Variants in METTL1 observed in about 807,000 individuals in gnomAD.
The protein encoded by METTL1 is methyltransferase 1, tRNA methylguanosine.
In METTL1, 14 loss-of-function variants were observed where a neutral mutation model predicts 27.7. The ratio of observed to expected loss-of-function variants is 0.51; its 90% confidence interval spans 0.33 to 0.79. The LOEUF is 0.79. Among genes scored for constraint, METTL1 ranks in the 30% least tolerant of loss-of-function variants. The pLI is 0.02. For missense variants in METTL1, 333 were observed against 359.6 expected (o/e 0.93, Z 0.60); for synonymous variants, 138 against 137.0 (o/e 1.01, Z -0.05).
chr12:57,768,701 G>A lies in METTL1; in HGVS notation c.*295C>T, dbSNP rs1445730136. 1 of 356,186 alleles carries A rather than the reference G, an allele frequency of 2.8e-6. No individual in the cohort carries two copies. Among genetic ancestry groups the A allele is most frequent in the Non-Finnish European group, 5.1e-6 (1 of 195,118 alleles). The allele number at this position is 356,186 out of a possible 1,614,324, so 22.1% of individuals were successfully genotyped here. A position where few individuals can be genotyped will look rare whatever the true frequency, so the allele number is the denominator to read the frequency against. ...TCCAGCTGAGGAGAGATCTCACAAG[G>A]AGAAAGGAGTGCTAAGGAAGAGCAA... On this transcript the variant is annotated 3_prime_UTR_variant, in exon 6 of 6. Transcript: ENST00000324871.
chr12:57,770,984 C>T, intron 2 of METTL1, 110 bp downstream of exon 2: 6 of 1,186,740 alleles, frequency 5.1e-6, no homozygotes, highest in Non-Finnish European at 7.1e-6. Context: ...CTGATGTCAC[C>T]AGTGTCTGGA....
rs748946772 is a variant in METTL1, at chr12:57,769,788, A to T, written c.443T>A (p.Phe148Tyr). The change falls in exon 3 of 6, where the codon TTC (phenylalanine) becomes TAC (tyrosine). Residue 148 changes from phenylalanine to tyrosine, a missense_variant. Physicochemically the swap from Phe to Tyr is conservative, Grantham distance 22. Transcript: ENST00000324871. ...RSNAMKHLPNFFYKGQLTKMF... is the reference protein window; with the variant it reads ...RSNAMKHLPNYFYKGQLTKMF... ...CCTCCCCACCTGGCCCTTGTAGAAG[A>T]AGTTAGGAAGGTGCTTCATGGCATT... is the stretch of plus-strand genomic sequence containing the variant. 1.2e-6 allele frequency: 2 copies of T among 1,614,048 alleles called. No homozygotes were observed. The highest frequency in any genetic ancestry group is 1.7e-6 in the Non-Finnish European group (2 of 1,179,992).
rs372769807 is a variant in METTL1 at position 57,769,819 on chromosome 12, G to A, written c.412C>T (p.Arg138Cys). 204 of 1,614,088 alleles carry A rather than the reference G, an allele frequency of 1.3e-4. No individual in the cohort carries two copies. The highest frequency in any genetic ancestry group is 1.7e-4 in the Non-Finnish European group (199 of 1,180,064). ...AGGFQNIACLRSNAMKHLPNF... is the reference protein window; with the variant it reads ...AGGFQNIACLCSNAMKHLPNF... ...GGAAGGTGCTTCATGGCATTGCTAC[G>A]GAGACAGGCGATGTTCTGGAAGCCA... Residue 138 changes from arginine to cysteine, a missense_variant, in exon 3 of 6, where the codon CGT (arginine) becomes TGT (cysteine). By Grantham distance (180) the Arg-to-Cys change is radical. Coordinates refer to ENST00000324871, the MANE Select transcript of METTL1 (RefSeq NM_005371.6).
intron 5 of METTL1, 26 bp downstream of exon 5, chr12:57,769,277 C>T (rs778940217): frequency 6.2e-7 from 1 of 1,613,340 alleles, no homozygotes. Context: ...GAAAGGGCCT[C>T]CACCTCCTCT....
chr12:57,772,100 T>G lies in METTL1; in HGVS notation c.-17A>C. 1 of 1,570,616 alleles carries G rather than the reference T, an allele frequency of 6.4e-7. No individual in the cohort carries two copies. Among genetic ancestry groups the G allele is most frequent in the Non-Finnish European group, 8.6e-7 (1 of 1,164,986 alleles). On this transcript the variant is annotated 5_prime_UTR_variant, in exon 1 of 6. Coordinates refer to ENST00000324871, the MANE Select transcript of METTL1 (RefSeq NM_005371.6). This position sits in a 1 kb window ranked among gnomAD's most constrained non-coding sequence, Gnocchi z 4.1. ...GGCTGCCATGATCCCAGTCCGGGGT[T>G]TCTCTACCAAATCCACGTGGAGGCG...
intron 1 of METTL1, chr12:57,771,512 C>T: frequency 6.5e-7 from 1 of 1,528,902 alleles, no homozygotes; most frequent in Admixed American, 2.0e-5. Context: ...GTTGATGTGA[C>T]CCTGGCCGGG....
intron 2 of METTL1, 68 bp downstream of exon 2, chr12:57,771,026 C>T: frequency 6.4e-7 from 1 of 1,553,132 alleles, no homozygotes; most frequent in Non-Finnish European, 8.7e-7. Flanking sequence ...TGACCCCCCA[C>T]AAAAGTTGCT....
chr12:57,768,878 A>G lies in METTL1; in HGVS notation c.*118T>C, dbSNP rs1955390876. ...TGGGTTCTGCCCTGGGCAGCTCCCC[A>G]CCTTCTTTAAGAGAGTACTGTGTCT... On this transcript the variant is annotated 3_prime_UTR_variant, in exon 6 of 6. Coordinates refer to ENST00000324871, the MANE Select transcript of METTL1 (RefSeq NM_005371.6). 2 of 1,340,300 alleles carry G rather than the reference A, an allele frequency of 1.5e-6. No homozygotes were observed. The highest frequency in any genetic ancestry group is 3.0e-5 in the South Asian group (2 of 65,596). 83.0% of individuals were successfully genotyped at this position (1,340,300 alleles called of 1,614,324 possible).
chr12:57,771,005 A>G, intron 2 of METTL1, 89 bp downstream of exon 2: 1 of 1,431,232 alleles, frequency 7.0e-7, no homozygotes, highest in East Asian at 2.3e-5. Context: ...CGAAAGGGGA[A>G]AGGCCAATTA....
chr12:57,771,966 C>G lies in METTL1; in HGVS notation c.110+8G>C. 1 of 1,511,138 alleles carries G rather than the reference C, an allele frequency of 6.6e-7. No homozygotes were observed. The highest frequency in any genetic ancestry group is 8.8e-7 in the Non-Finnish European group (1 of 1,136,162). 93.6% of individuals were successfully genotyped at this position (1,511,138 alleles called of 1,614,324 possible). On this transcript the variant is annotated splice_region_variant and intron_variant, in intron 1 of 5. Transcript: ENST00000324871. Reference sequence around the variant, plus strand: ...GCCCTCCTCTCTCTCCCTCTGCCCACTCCTCACTAGCGCAGCGTGTGGTCC... The same window carrying G: ...GCCCTCCTCTCTCTCCCTCTGCCCAGTCCTCACTAGCGCAGCGTGTGGTCC...
chr12:57,771,043 G>T, intron 2 of METTL1, 51 bp downstream of exon 2: 1 of 1,575,714 alleles, frequency 6.3e-7, no homozygotes. Flanking sequence ...TGCTGAGGCA[G>T]CAGAAGCTAC....
intron 2 of METTL1, 101 bp from the exon 3 acceptor site, chr12:57,770,057 C>T: frequency 8.2e-7 from 1 of 1,215,660 alleles, no homozygotes; most frequent in Non-Finnish European, 1.1e-6. Flanking sequence ...CTACCAAAGT[C>T]CAGAACGGCA....
At position 57,769,284 on chromosome 12, in the gene METTL1, C is replaced by A. The variant is rs1441987083; in HGVS notation, c.675+19G>T. The A allele has an allele frequency of 6.2e-7, 1 of 1,613,658 alleles. No individual in the cohort carries two copies. Among genetic ancestry groups the A allele is most frequent in the South Asian group, 1.1e-5 (1 of 91,028 alleles). ...CCACTCTGGAAAGGGCCTCCACCTC[C>A]TCTAGGTCCCCTACTCACCAGGTCC... On this transcript the variant is annotated intron_variant, in intron 5 of 5. Transcript: ENST00000324871.
At position 57,771,976 on chromosome 12, in the gene METTL1, G is replaced by A; in HGVS notation, c.108C>T (p.Arg36=). The change falls in exon 1 of 6, where the codon CGC becomes CGT. Residue 36 remains arginine (R), a splice_region_variant and synonymous_variant. Transcript: ENST00000324871. ...CTCTCCCTCTGCCCACTCCTCACTA[G>A]CGCAGCGTGTGGTCCGCCATGGGGT... is the stretch of plus-strand genomic sequence containing the variant. ...HSNPMADHTL[R]YPVKPEEMDW... is the part of the protein sequence containing the mutation. The A allele has an allele frequency of 6.6e-7, 1 of 1,517,966 alleles. No homozygotes were observed. The allele number at this position is 1,517,966 out of a possible 1,614,324, so 94.0% of individuals were successfully genotyped here.
chr12:57,770,293 T>A (rs188787289), intron 2 of METTL1, among the ~76,000 whole-genome samples: 3 of 152,368 alleles, frequency 2.0e-5, no homozygotes, highest in Admixed American at 6.5e-5. Context: ...CCGAAGATCA[T>A]AGAGTTAAGA....
intron 1 of METTL1, 55 bp downstream of exon 1, chr12:57,771,919 T>C: frequency 6.8e-7 from 1 of 1,474,196 alleles, no homozygotes; most frequent in Non-Finnish European, 9.0e-7. Flanking sequence ...ACAACTGCTC[T>C]CCCGGCTGCT....
Position 57,769,328 on chromosome 12 carries a change from A to G in METTL1, c.650T>C (p.Phe217Ser). The change falls in exon 5 of 6, where the codon TTT becomes TCT. Residue 217 changes from phenylalanine to serine, a missense_variant. Coordinates refer to ENST00000324871, the MANE Select transcript of METTL1 (RefSeq NM_005371.6). ...CAGGTCCTCCAGAGGCACACGCTCAAACAGTGGGTGCTCTTCGAAATGAGT... is the reference window on the plus strand; with the variant it reads ...CAGGTCCTCCAGAGGCACACGCTCAGACAGTGGGTGCTCTTCGAAATGAGT... ...MCTHFEEHPL[F>S]ERVPLEDLSE... 1 of 1,614,158 alleles carries G rather than the reference A, an allele frequency of 6.2e-7. No individual in the cohort carries two copies. Among genetic ancestry groups the G allele is most frequent in the East Asian group, 2.2e-5 (1 of 44,882 alleles).
Position 57,769,648 on chromosome 12 carries a change from G to C in METTL1, c.490C>G (p.Pro164Ala), listed in dbSNP as rs1245550552. The C allele has an allele frequency of 3.8e-6, 6 of 1,561,550 alleles. No homozygotes were observed. The highest frequency in any genetic ancestry group is 5.2e-6 in the Non-Finnish European group (6 of 1,150,434). Residue 164 changes from proline to alanine, a missense_variant, in exon 4 of 6, where the codon CCA (proline) becomes GCA (alanine). Physicochemically the swap from Pro to Ala is conservative, Grantham distance 27. Transcript: ENST00000324871. ...TTGTGCTTTGTCCGCTTGAAATGTG[G>C]GTCGGGGAAGAGGAAGAACATCTTT... ...LTKMFFLFPD[P>A]HFKRTKHKWR...
At position 57,768,824 on chromosome 12, in the gene METTL1, G is replaced by A; in HGVS notation, c.*172C>T. The A allele has an allele frequency of 3.0e-6, 2 of 660,446 alleles. No homozygotes were observed. The highest frequency in any genetic ancestry group is 6.1e-5 in the South Asian group (2 of 32,850). The allele number at this position is 660,446 out of a possible 1,614,324, so 40.9% of individuals were successfully genotyped here. A position where few individuals can be genotyped will look rare whatever the true frequency, so the allele number is the denominator to read the frequency against. The stretch of plus-strand genomic sequence containing the variant: ...TGTTGGCAGTGGAGGGACAAGGTGA[G>A]AGGAGCCAGGGGTAGTCATGAACAC... On this transcript the variant is annotated 3_prime_UTR_variant, in exon 6 of 6. Transcript: ENST00000324871.
Sources: allele counts gnomAD v4.1 joint callset (sites outside exome capture counted in the v4.1 genomes callset), GRCh38; gene constraint gnomAD v4.1.1; non-coding constraint Gnocchi (gnomAD v3.1); transcripts MANE v1.5; gene names NCBI Gene and HGNC (gene_info 2026-07-23, HGNC 2026-07-21).